The following COL4A3 variants were observed in gnomAD, a reference collection of about 807,000 sequenced individuals.
COL4A3 encodes the protein collagen type IV alpha 3 chain, also known as collagen alpha-3(IV) chain.
A neutral mutation model predicts 217.4 loss-of-function variants in COL4A3; 135 were observed. The observed-to-expected ratio is 0.62, with a 90% CI of 0.54 to 0.72. The LOEUF (loss-of-function observed/expected upper bound fraction) is 0.72, where lower values mean the gene tolerates loss of function less well. COL4A3 is among the 30% of genes least tolerant of loss of function. The pLI, the probability that COL4A3 is intolerant of heterozygous loss-of-function variation, is 0.00. For missense variants in COL4A3, 1,868 were observed against 2,119.9 expected (o/e 0.88, Z 2.33); for synonymous variants, 690 against 736.3 (o/e 0.94, Z 1.02).
chr2:227,247,792 G>T (rs548802260), intron 8 of COL4A3, among the ~76,000 whole-genome samples: 1 of 152,236 alleles, frequency 6.6e-6, no homozygotes, highest in African/African-American at 2.4e-5. Flanking sequence ...TAAGGATACA[G>T]GTTTTGTATC....
At chr2:227,288,258 G>A (rs2072463778) in intron 34 of COL4A3, among the ~76,000 whole-genome samples, 1 of 152,132 alleles carries the variant, frequency 6.6e-6, no homozygotes, top group Non-Finnish European at 1.5e-5. Flanking sequence ...CACCAAGCCA[G>A]CTACTTTTTA....
intron 1 of COL4A3, among the ~76,000 whole-genome samples, chr2:227,218,442 G>A (rs546883188): frequency 1.1e-4 from 16 of 152,174 alleles, no homozygotes; most frequent in Admixed American, 2.0e-4. Flanking sequence ...CTCCAGCCTG[G>A]GTGAGGGAGC....
chr2:227,194,496 C>G (rs909078117), intron 1 of COL4A3, among the ~76,000 whole-genome samples: 1 of 152,120 alleles, frequency 6.6e-6, no homozygotes, highest in Non-Finnish European at 1.5e-5. Flanking sequence ...TTGCCAGAAG[C>G]CTGAAAGCTC....
At chr2:227,193,875 A>G (rs1274948182) in intron 1 of COL4A3, among the ~76,000 whole-genome samples, 650 of 10,144 alleles carry the variant, frequency 0.064, no homozygotes, top group Non-Finnish European at 0.091. Flanking sequence ...AAATAAGGAG[A>G]GAGGGAGGGA....
At chr2:227,171,515 C>T (rs1225492560) in intron 1 of COL4A3, among the ~76,000 whole-genome samples, 4 of 152,158 alleles carry the variant, frequency 2.6e-5, no homozygotes, top group African/African-American at 7.2e-5. Flanking sequence ...TCCACATGTG[C>T]GTTGTTTTCT....
At position 227,185,933 on chromosome 2, in the gene COL4A3, G is replaced by A. The variant is rs533440589; in HGVS notation, c.87+21120G>A. ...CTCAGACTGAGGAAGAAGAGGGAAC[G>A]CCTGCCTCTCTCTGGGCATCACCCT... On this transcript the variant is annotated intron_variant, in intron 1 of 51. Transcript: ENST00000396578. Among the ~76,000 whole-genome samples the A allele has an allele frequency of 3.3e-5, 5 of 152,288 alleles. No homozygotes were observed. The Middle Eastern group carries it at 0.01, about 311-fold the overall frequency.
At chr2:227,289,495 A>G (rs951086051) in intron 35 of COL4A3, among the ~76,000 whole-genome samples, 1 of 152,258 alleles carries the variant, frequency 6.6e-6, no homozygotes, top group African/African-American at 2.4e-5. Flanking sequence ...GCTGATATGT[A>G]TTATAAATTA....
chr2:227,254,123 G>T lies in COL4A3; in HGVS notation c.777G>T (p.Gly259=). The change falls in exon 14 of 52, where the codon GGG becomes GGT. Residue 259 remains glycine (G), a synonymous_variant. Transcript: ENST00000396578. The part of the protein sequence containing the change: ...TGPDNRTDLK[G]EKGDKGAMGE... ...TGTTTCTTTGGCAGGACCTCAAGGGGGAAAAGGGAGACAAGGGAGCAATGG... is the reference window on the plus strand; with the variant it reads ...TGTTTCTTTGGCAGGACCTCAAGGGTGAAAAGGGAGACAAGGGAGCAATGG... The T allele has an allele frequency of 6.2e-7, 1 of 1,613,910 alleles. No individual in the cohort carries two copies. The highest frequency in any genetic ancestry group is 8.5e-7 in the Non-Finnish European group (1 of 1,179,888).
intron 11 of COL4A3, among the ~76,000 whole-genome samples, chr2:227,252,087 A>C (rs906284911): frequency 2.0e-5 from 3 of 150,578 alleles, no homozygotes; most frequent in South Asian, 2.1e-4. Context: ...AAAAAAAAAA[A>C]AAAACAGAAG....
intron 1 of COL4A3, among the ~76,000 whole-genome samples, chr2:227,177,984 G>A (rs1352556537): frequency 6.6e-6 from 1 of 152,178 alleles, no homozygotes; most frequent in Non-Finnish European, 1.5e-5. Context: ...AAAAGTGGAA[G>A]CTCTCAACTT....
intron 43 of COL4A3, among the ~76,000 whole-genome samples, chr2:227,300,632 C>A (rs2073240277): frequency 6.6e-6 from 1 of 152,082 alleles, no homozygotes. Context: ...TACTCTGTAC[C>A]AATGGATAGA....
chr2:227,306,888 C>T (rs2073526410), intron 47 of COL4A3, among the ~76,000 whole-genome samples: 1 of 151,982 alleles, frequency 6.6e-6, no homozygotes, highest in Non-Finnish European at 1.5e-5. Flanking sequence ...AGTCAGCGTA[C>T]AGTGGCAGCA....
chr2:227,263,121 G>A (rs558932817), intron 20 of COL4A3, among the ~76,000 whole-genome samples: 2 of 152,224 alleles, frequency 1.3e-5, no homozygotes, highest in Admixed American at 1.3e-4. Flanking sequence ...CTCTGAAATG[G>A]ATGTCAATCA....
chr2:227,238,169 A>T, intron 2 of COL4A3, 145 bp downstream of exon 2: 1 of 532,306 alleles, frequency 1.9e-6, no homozygotes, highest in Non-Finnish European at 3.3e-6. Context: ...GTATATAAAC[A>T]TTAACCTAAA....
chr2:227,291,286 G>A lies in COL4A3; in HGVS notation c.3210+400G>A, dbSNP rs374415349. Among the ~76,000 whole-genome samples the A allele has an allele frequency of 2.6e-5, 4 of 151,998 alleles. No individual in the cohort carries two copies. In the East Asian group the frequency reaches 5.8e-4, roughly 22 times the overall value. Reference sequence around the variant, plus strand: ...TTCTAATAAAAAACACTTGTCGGCCGGGCGCGGTGGCTCACGCCTGTAATC... The same window carrying A: ...TTCTAATAAAAAACACTTGTCGGCCAGGCGCGGTGGCTCACGCCTGTAATC... On this transcript the variant is annotated intron_variant, in intron 37 of 51. Transcript: ENST00000396578.
At chr2:227,238,216 A>T in intron 2 of COL4A3, 192 bp downstream of exon 2, 1 of 480,072 alleles carries the variant, frequency 2.1e-6, no homozygotes, top group Admixed American at 3.5e-5. Context: ...GAAGCTTCAG[A>T]TACCTTGTAT....
chr2:227,164,905 T>G lies in COL4A3; in HGVS notation c.87+92T>G, dbSNP rs2065165024. ...GCTGGCCCCACCCGCAGCGGCGCGGTAGTGGAGCGGCTGCCGGGCTAGTGG... is the reference window on the plus strand; with the variant it reads ...GCTGGCCCCACCCGCAGCGGCGCGGGAGTGGAGCGGCTGCCGGGCTAGTGG... On this transcript the variant is annotated intron_variant, in intron 1 of 51. Transcript: ENST00000396578. This position sits in a 1 kb window ranked among gnomAD's most constrained non-coding sequence, Gnocchi z 4.8. 1 of 1,354,872 alleles carries G rather than the reference T, an allele frequency of 7.4e-7. No homozygotes were observed. The highest frequency in any genetic ancestry group is 9.5e-7 in the Non-Finnish European group (1 of 1,048,058). The allele number at this position is 1,354,872 out of a possible 1,614,324, so 83.9% of individuals were successfully genotyped here.
chr2:227,303,981 G>A (rs775708722), intron 45 of COL4A3, 38 bp from the exon 46 acceptor site: 58 of 1,614,100 alleles, frequency 3.6e-5, no homozygotes, highest in East Asian at 1.8e-4. Flanking sequence ...TAACACATCC[G>A]TGAGGCCATC....
intron 34 of COL4A3, among the ~76,000 whole-genome samples, chr2:227,286,794 C>T (rs1170316421): frequency 6.6e-6 from 1 of 152,230 alleles, no homozygotes; most frequent in Non-Finnish European, 1.5e-5. Context: ...CCAAGGCTCC[C>T]TGTGCTTTGA....
Sources: gnomAD v4.1 joint callset for allele counts (sites outside exome capture counted in the v4.1 genomes callset) on GRCh38, gnomAD v4.1.1 for gene constraint, Gnocchi (gnomAD v3.1) non-coding constraint, MANE v1.5 for transcripts, NCBI Gene and HGNC (gene_info 2026-07-23, HGNC 2026-07-21) for gene names.